The following ATP8A2 variants were observed in gnomAD, a reference collection of about 807,000 sequenced individuals.
ATP8A2 encodes ATPase phospholipid transporting 8A2.
A neutral mutation model predicts 165.6 loss-of-function variants in ATP8A2; 100 were observed. The observed-to-expected ratio is 0.60, with a 90% CI of 0.51 to 0.71. The LOEUF (loss-of-function observed/expected upper bound fraction) is 0.71. ATP8A2 is among the 30% of genes least tolerant of loss of function. ATP8A2 has a pLI of 0.00. For missense variants in ATP8A2, 1,227 were observed against 1,479.5 expected, an observed-to-expected ratio of 0.83 and a Z score of 2.80; for synonymous variants, 543 against 548.8, an observed-to-expected ratio of 0.99 and a Z score of 0.15.
At chr13:25,780,475 G>A (rs2138350313) in intron 27 of ATP8A2, among the ~76,000 whole-genome samples, 1 of 152,262 alleles carries the variant, frequency 6.6e-6, no homozygotes, top group South Asian at 2.1e-4. Context: ...CACTGAAATA[G>A]AAATAGATAT....
intron 36 of ATP8A2, among the ~76,000 whole-genome samples, chr13:26,017,729 G>A (rs9578952): frequency 0.36 from 54,669 of 152,080 alleles, 10,541 homozygotes; most frequent in Non-Finnish European, 0.43. Context: ...CCACCTACCT[G>A]GTCAGGAAGT....
At chr13:25,730,618 A>G (rs915458886) in intron 25 of ATP8A2, among the ~76,000 whole-genome samples, 1 of 152,090 alleles carries the variant, frequency 6.6e-6, no homozygotes, top group Non-Finnish European at 1.5e-5. Context: ...ATTTTATTCT[A>G]TATTCTTACT....
At chr13:25,684,067 G>A (rs893098770) in intron 24 of ATP8A2, among the ~76,000 whole-genome samples, 1 of 152,124 alleles carries the variant, frequency 6.6e-6, no homozygotes, top group African/African-American at 2.4e-5. Flanking sequence ...AGGTTTGAGA[G>A]GAAACAAAAT....
intron 2 of ATP8A2, among the ~76,000 whole-genome samples, chr13:25,489,234 A>G (rs191323349): frequency 6.6e-6 from 1 of 151,870 alleles, no homozygotes; most frequent in African/African-American, 2.4e-5. Flanking sequence ...CTCTCGTTCT[A>G]TTCCCGGCTT....
chr13:25,687,852 G>T (rs1234600449), intron 24 of ATP8A2, among the ~76,000 whole-genome samples: 1 of 152,068 alleles, frequency 6.6e-6, no homozygotes, highest in African/African-American at 2.4e-5. Flanking sequence ...TAACTGGCTG[G>T]GTCCTTGTTC....
chr13:25,625,832 T>C (rs1477993769), intron 24 of ATP8A2, among the ~76,000 whole-genome samples: 1 of 152,210 alleles, frequency 6.6e-6, no homozygotes, highest in African/African-American at 2.4e-5. Context: ...CACAACAGCC[T>C]ATGATGTGAA....
At chr13:25,421,890 T>C (rs975160504) in intron 1 of ATP8A2, among the ~76,000 whole-genome samples, 10 of 152,202 alleles carry the variant, frequency 6.6e-5, no homozygotes, top group African/African-American at 2.4e-4. Context: ...ATGAAAGTTC[T>C]CTTTGAGGAT....
At chr13:25,736,872 G>A (rs536025793) in intron 25 of ATP8A2, among the ~76,000 whole-genome samples, 5 of 152,258 alleles carry the variant, frequency 3.3e-5, no homozygotes, top group African/African-American at 7.2e-5. Flanking sequence ...TATAACCAGC[G>A]ATTGTAGAGT....
rs868475412 is a variant in ATP8A2, at chr13:25,447,846, A to G, written c.77-21131A>G. 7.9e-5 allele frequency among the ~76,000 whole-genome samples: 12 copies of G among 152,226 alleles called. No individual in the cohort carries two copies. In the South Asian group the frequency reaches 8.3e-4, roughly 11 times the overall value. On this transcript the variant is annotated intron_variant, in intron 1 of 36. Transcript: ENST00000381655. ...AGTGGGATGGGGAGCTGGAGAGGGGATGGAGTGGGAAGATAATTTTCCTCT... is the reference window on the plus strand; with the variant it reads ...AGTGGGATGGGGAGCTGGAGAGGGGGTGGAGTGGGAAGATAATTTTCCTCT...
intron 35 of ATP8A2, among the ~76,000 whole-genome samples, chr13:26,004,897 G>A (rs957035293): frequency 6.6e-6 from 1 of 151,802 alleles, no homozygotes; most frequent in Non-Finnish European, 1.5e-5. Flanking sequence ...CTAATATTTT[G>A]TTGAGGATTT....
chr13:25,456,880 G>C (rs566769346), intron 1 of ATP8A2, among the ~76,000 whole-genome samples: 1 of 152,284 alleles, frequency 6.6e-6, no homozygotes, highest in South Asian at 2.1e-4. Flanking sequence ...TTAAACAGGG[G>C]TGTCCAATCT....
chr13:25,672,236 A>G (rs868224037), intron 24 of ATP8A2, among the ~76,000 whole-genome samples: 1 of 152,060 alleles, frequency 6.6e-6, no homozygotes, highest in Non-Finnish European at 1.5e-5. Context: ...TGAAGATTCC[A>G]GTTTTTTTCA....
At chr13:25,591,717 G>T (rs995025626) in intron 24 of ATP8A2, among the ~76,000 whole-genome samples, 4 of 151,900 alleles carry the variant, frequency 2.6e-5, no homozygotes, top group African/African-American at 9.7e-5. Flanking sequence ...TGAGTAGCTG[G>T]GATTACAGGC....
At chr13:25,740,702 A>C (rs552488264) in intron 25 of ATP8A2, among the ~76,000 whole-genome samples, 60 of 152,346 alleles carry the variant, frequency 3.9e-4, no homozygotes, top group African/African-American at 1.4e-3. Context: ...ATGAAAGATA[A>C]TGAATTCCAT....
chr13:25,530,178 A>G (rs1049514781), intron 3 of ATP8A2, 80 bp downstream of exon 3: 3 of 840,154 alleles, frequency 3.6e-6, no homozygotes, highest in African/African-American at 3.4e-5. Context: ...CTTAACTGCT[A>G]AAGTGTTATA....
At chr13:25,804,491 C>A (rs755617978) in intron 27 of ATP8A2, among the ~76,000 whole-genome samples, 1 of 152,130 alleles carries the variant, frequency 6.6e-6, no homozygotes, top group Non-Finnish European at 1.5e-5. Flanking sequence ...GTATATTAAT[C>A]TAACAATTAA....
At chr13:25,456,828 C>T (rs954812760) in intron 1 of ATP8A2, among the ~76,000 whole-genome samples, 2 of 152,126 alleles carry the variant, frequency 1.3e-5, no homozygotes, top group African/African-American at 2.4e-5. Flanking sequence ...AGCCTTTTTG[C>T]CTGCCTCCTT....
intron 25 of ATP8A2, among the ~76,000 whole-genome samples, chr13:25,738,317 C>CT (rs1206448488): frequency 3.1e-4 from 42 of 136,008 alleles, no homozygotes; most frequent in South Asian, 7.4e-4. Flanking sequence ...ATTGTCTCTG[C>CT]TTTTTTTCTT....
chr13:25,868,454 C>A (rs777627330), intron 33 of ATP8A2, among the ~76,000 whole-genome samples: 1 of 152,148 alleles, frequency 6.6e-6, no homozygotes, highest in Admixed American at 6.5e-5. Context: ...ATTCACCTTT[C>A]GGTTTGGAAT....
Sources: gnomAD v4.1 joint callset for allele counts (sites outside exome capture counted in the v4.1 genomes callset) on GRCh38, gnomAD v4.1.1 for gene constraint, MANE v1.5 for transcripts, NCBI Gene and HGNC (gene_info 2026-07-23, HGNC 2026-07-21) for gene names.